Variants in PLCL2 observed in about 807,000 individuals in gnomAD.
PLCL2 encodes inactive phospholipase C-like protein 2.
Under a neutral mutation model 79.6 loss-of-function variants are expected in PLCL2, and 4 were observed. The ratio of observed to expected loss-of-function variants is 0.05; its 90% CI spans 0.02 to 0.11. PLCL2 has a LOEUF of 0.11. Ranked by LOEUF, PLCL2 falls within the 10% of genes least tolerant of loss-of-function variation. The probability of loss-of-function intolerance (pLI) is 1.00; values close to 1 mark genes in which losing one functional copy is unlikely to be tolerated. For synonymous variants in PLCL2, 484 were observed against 457.7 expected, an observed-to-expected ratio of 1.06 and a Z score of -0.73; for missense variants, 895 against 1,291.0, an observed-to-expected ratio of 0.69 and a Z score of 4.70.
intron 1 of PLCL2, among the ~76,000 whole-genome samples, chr3:16,947,660 A>G (rs540830342): frequency 1.2e-3 from 181 of 152,312 alleles, no homozygotes; most frequent in Non-Finnish European, 1.9e-3. Context: ...CCCAAGTCAG[A>G]AAAGAAACTA....
chr3:16,988,082 A>G (rs2064068162), intron 1 of PLCL2, among the ~76,000 whole-genome samples: 2 of 152,148 alleles, frequency 1.3e-5, no homozygotes, highest in Admixed American at 6.5e-5. Context: ...CTACTAGGCT[A>G]AAGAAACCAA....
intron 3 of PLCL2, among the ~76,000 whole-genome samples, chr3:17,017,155 G>T (rs998144476): frequency 6.6e-6 from 1 of 152,062 alleles, no homozygotes; most frequent in African/African-American, 2.4e-5. Flanking sequence ...CTCTTGGATT[G>T]GTAGATGCTA....
At chr3:17,071,059 T>C (rs1163767818) in intron 5 of PLCL2, among the ~76,000 whole-genome samples, 1 of 152,092 alleles carries the variant, frequency 6.6e-6, no homozygotes, top group Non-Finnish European at 1.5e-5. Flanking sequence ...TCTTGGGGGA[T>C]TCTGAGGCAC....
At chr3:17,051,409 C>T (rs910631315) in intron 4 of PLCL2, among the ~76,000 whole-genome samples, 2 of 151,804 alleles carry the variant, frequency 1.3e-5, no homozygotes, top group Admixed American at 1.3e-4. Context: ...ATGTCACGTA[C>T]CCCATAAGTA....
intron 1 of PLCL2, among the ~76,000 whole-genome samples, chr3:16,994,349 A>G (rs2064131933): frequency 6.6e-6 from 1 of 152,124 alleles, no homozygotes; most frequent in Admixed American, 6.5e-5. Context: ...TTGATTTCTT[A>G]ACCCAAGCAT....
intron 1 of PLCL2, among the ~76,000 whole-genome samples, chr3:16,983,630 T>C (rs1170173480): frequency 6.6e-6 from 1 of 152,048 alleles, no homozygotes. Flanking sequence ...AGAAGAAAAC[T>C]CTGTCTCAAA....
At chr3:16,991,150 G>C (rs751986555) in intron 1 of PLCL2, among the ~76,000 whole-genome samples, 7 of 152,216 alleles carry the variant, frequency 4.6e-5, no homozygotes, top group Non-Finnish European at 5.9e-5. Context: ...AGCTGAGTTG[G>C]GATCTGAAGA....
At chr3:16,898,513 A>G (rs1325350702) in intron 1 of PLCL2, among the ~76,000 whole-genome samples, 2 of 152,240 alleles carry the variant, frequency 1.3e-5, no homozygotes, top group Non-Finnish European at 2.9e-5. Context: ...GGGGTCTGGA[A>G]GCAAGAGAGT....
chr3:17,031,929 C>CTTTTTTTTTTTTTT (rs35640259), intron 3 of PLCL2, among the ~76,000 whole-genome samples: 3 of 109,048 alleles, frequency 2.8e-5, no homozygotes, highest in African/African-American at 7.0e-5. Context: ...CAATTTTCAC[C>CTTTTTTTTTTTTTT]TTTTTTTTTT....
At chr3:16,969,446 A>T (rs115856456) in intron 1 of PLCL2, among the ~76,000 whole-genome samples, 1 of 152,074 alleles carries the variant, frequency 6.6e-6, no homozygotes, top group African/African-American at 2.4e-5. Context: ...CAGGGATTCA[A>T]TTCCTTTCTG....
chr3:16,989,087 A>C (rs1389156286), intron 1 of PLCL2, among the ~76,000 whole-genome samples: 1 of 152,048 alleles, frequency 6.6e-6, no homozygotes, highest in East Asian at 1.9e-4. Flanking sequence ...GGGTGATTTG[A>C]GGTGAGTGAA....
rs188329049 is a variant in PLCL2, at chr3:16,951,845, G to A, written c.328-57829G>A. Among the ~76,000 whole-genome samples, 378 of 151,012 alleles carry A rather than the reference G, an allele frequency of 2.5e-3. 3 individuals are homozygous for A. Among genetic ancestry groups the A allele is most frequent in the African/African-American group, 9.0e-3 (362 of 40,418 alleles). On this transcript the variant is annotated intron_variant, in intron 1 of 5. Coordinates refer to ENST00000615277, the MANE Select transcript of PLCL2 (RefSeq NM_001144382.2). ...TTAGATCTGTCAGGTAATTTGGCCT[G>A]TATGTTTTCTGTTTGGGAATGTTTT...
Position 16,885,089 on chromosome 3 carries a change from C to G in PLCL2, c.50C>G (p.Ser17Cys). 1 of 431,800 alleles carries G rather than the reference C, an allele frequency of 2.3e-6. No individual in the cohort carries two copies. Among genetic ancestry groups the G allele is most frequent in the Non-Finnish European group, 4.1e-6 (1 of 243,592 alleles). 26.7% of individuals were successfully genotyped at this position (431,800 alleles called of 1,614,324 possible). The stretch of plus-strand genomic sequence containing the variant: ...GCCGCCGGCGGGGCCCTGCCCACCT[C>G]CCCGGGCCCGGCCCTCGGCGCCAAG... Reference protein sequence around the residue: ...GGAAGGALPTSPGPALGAKGA... With the variant: ...GGAAGGALPTCPGPALGAKGA... Residue 17 changes from serine (S) to cysteine (C), a missense_variant, in exon 1 of 6, where the codon TCC becomes TGC. Ser to Cys is a moderately radical substitution (Grantham distance 112). This residue lies in a region of PLCL2 where 110 missense variants were observed against 42.9 expected (regional missense o/e 2.56). Transcript: ENST00000615277.
chr3:16,950,634 T>C (rs1260738633), intron 1 of PLCL2, among the ~76,000 whole-genome samples: 1 of 151,982 alleles, frequency 6.6e-6, no homozygotes, highest in African/African-American at 2.4e-5. Flanking sequence ...GGGAGGCTTC[T>C]ACCATCTCAT....
intron 4 of PLCL2, among the ~76,000 whole-genome samples, chr3:17,055,885 CA>C (rs2064887413): frequency 6.6e-6 from 1 of 152,152 alleles, no homozygotes; most frequent in Non-Finnish European, 1.5e-5. Context: ...TGAATGACAG[CA>C]AAATTATCTT....
intron 3 of PLCL2, among the ~76,000 whole-genome samples, chr3:17,022,002 A>G (rs900984618): frequency 6.6e-6 from 1 of 152,150 alleles, no homozygotes; most frequent in Non-Finnish European, 1.5e-5. Context: ...CATTTGAGCC[A>G]TCACCACCTA....
At chr3:17,061,587 G>A (rs1176281101) in intron 4 of PLCL2, among the ~76,000 whole-genome samples, 1 of 151,928 alleles carries the variant, frequency 6.6e-6, no homozygotes, top group African/African-American at 2.4e-5. Flanking sequence ...AAAGTATTTT[G>A]AAATAATAAT....
chr3:17,041,828 C>T (rs1187596338), intron 3 of PLCL2, among the ~76,000 whole-genome samples: 1 of 152,024 alleles, frequency 6.6e-6, no homozygotes, highest in Non-Finnish European at 1.5e-5. Context: ...CCTGTAGTCC[C>T]AGCTACCTGG....
chr3:16,982,199 A>G (rs1483899313), intron 1 of PLCL2, among the ~76,000 whole-genome samples: 3 of 152,214 alleles, frequency 2.0e-5, no homozygotes, highest in African/African-American at 7.2e-5. Context: ...AATATACCAC[A>G]TAAATCTTTC....
Sources: gnomAD v4.1 joint callset for allele counts (sites outside exome capture counted in the v4.1 genomes callset) on GRCh38, gnomAD v4.1.1 for gene constraint, gnomAD v4.1.1 regional missense constraint, MANE v1.5 for transcripts, NCBI Gene and HGNC (gene_info 2026-07-23, HGNC 2026-07-21) for gene names.